The following ZNF695 variants were observed in gnomAD, a reference collection of about 807,000 sequenced individuals.
ZNF695 encodes the protein zinc finger protein 695.
Under a neutral mutation model 11.2 loss-of-function variants are expected in ZNF695, and 11 were observed. The observed-to-expected ratio is 0.98, with a 90% CI of 0.62 to 1.62. ZNF695 has a LOEUF of 1.62. Ranked by LOEUF, ZNF695 falls within the 40% of genes most tolerant of loss-of-function variation. ZNF695 has a pLI of 0.00. For missense variants in ZNF695, 559 were observed against 590.5 expected, an observed-to-expected ratio of 0.95 and a Z score of 0.55; for synonymous variants, 190 against 201.4, an observed-to-expected ratio of 0.94 and a Z score of 0.48.
rs987396428 is a variant in ZNF695, at chr1:246,974,146, AAACAAACAAACAAAC to A, written c.391-6369_391-6355del. Among the ~76,000 whole-genome samples, 57 of 110,556 alleles carry A rather than the reference AAACAAACAAACAAAC, an allele frequency of 5.2e-4. No individual in the cohort carries two copies. In the East Asian group the frequency reaches 9.5e-3, roughly 19 times the overall value. 72.5% of individuals were successfully genotyped at this position (110,556 alleles called of 152,430 possible). A position where few individuals can be genotyped will look rare whatever the true frequency, so the allele number is the denominator to read the frequency against. On this transcript the variant is annotated intron_variant, in intron 4 of 5. Transcript: ENST00000487338. ...AATTGCCTAGCTTATTTGGAATAAA[AAACAAACAAACAAAC>A]AAAAAAAAACAAACAAAAAACAACA...
chr1:246,973,364 C>T (rs554454714), intron 4 of ZNF695, among the ~76,000 whole-genome samples: 21 of 152,302 alleles, frequency 1.4e-4, no homozygotes, highest in African/African-American at 4.6e-4. Flanking sequence ...TCACATATTT[C>T]TAATGATTGC....
At chr1:246,949,994 G>A (rs1356738804) in intron 5 of ZNF695, among the ~76,000 whole-genome samples, 1 of 152,056 alleles carries the variant, frequency 6.6e-6, no homozygotes, top group Non-Finnish European at 1.5e-5. Context: ...AGAGATATTT[G>A]TGTCTTTATT....
At chr1:246,975,972 G>A (rs770865656) in intron 4 of ZNF695, among the ~76,000 whole-genome samples, 27 of 151,870 alleles carry the variant, frequency 1.8e-4, no homozygotes, top group Non-Finnish European at 3.7e-4. Context: ...AGGAGGAAAC[G>A]ACCATCTCTG....
intron 4 of ZNF695, among the ~76,000 whole-genome samples, chr1:246,976,091 G>C (rs1444665348): frequency 1.3e-5 from 2 of 152,112 alleles, no homozygotes; most frequent in Admixed American, 6.5e-5. Flanking sequence ...GGCTGGTGAG[G>C]GAGACGCTGA....
downstream of ZNF695, chr1:246,945,573 A>C: frequency 5.7e-6 from 3 of 522,378 alleles, no homozygotes; most frequent in Non-Finnish European, 1.0e-5. Flanking sequence ...TTTTCTATTC[A>C]TGGAGTTAGG....
At chr1:246,961,041 T>A (rs192542946) in intron 5 of ZNF695, among the ~76,000 whole-genome samples, 1 of 152,372 alleles carries the variant, frequency 6.6e-6, no homozygotes, top group African/African-American at 2.4e-5. Flanking sequence ...ATGTTCACTA[T>A]GAAGGTGGGC....
chr1:246,961,279 C>T (rs991874880), intron 5 of ZNF695, among the ~76,000 whole-genome samples: 1 of 152,330 alleles, frequency 6.6e-6, no homozygotes, highest in African/African-American at 2.4e-5. Flanking sequence ...CCTCCAGCTG[C>T]ACCAGCCTAT....
intron 4 of ZNF695, among the ~76,000 whole-genome samples, chr1:246,977,775 T>TA (rs1668607048): frequency 6.6e-6 from 1 of 152,224 alleles, no homozygotes; most frequent in Admixed American, 6.5e-5. Flanking sequence ...GGTGTACTCT[T>TA]ACGTACTTGG....
intron 4 of ZNF695, among the ~76,000 whole-genome samples, chr1:246,973,911 G>A (rs891142304): frequency 1.3e-5 from 2 of 152,160 alleles, no homozygotes; most frequent in Non-Finnish European, 2.9e-5. Context: ...ACCCTATTAT[G>A]TGTGAATGTC....
chr1:247,007,887 C>T lies in ZNF695; in HGVS notation c.3+19G>A. 6.5e-7 allele frequency: 1 copy of T among 1,549,236 alleles called. No individual in the cohort carries two copies. The highest frequency in any genetic ancestry group is 1.4e-5 in the African/African-American group (1 of 71,986). On this transcript the variant is annotated intron_variant, in intron 1 of 3. Coordinates refer to ENST00000339986, the MANE Select transcript of ZNF695 (RefSeq NM_020394.5). Reference sequence around the variant, plus strand: ...CCACCCCCTCTCCCTTCTCGGGACACCCTGCTCCGCACACTCACCATTTCC... The same window carrying T: ...CCACCCCCTCTCCCTTCTCGGGACATCCTGCTCCGCACACTCACCATTTCC...
At chr1:246,977,051 A>T (rs539545140) in intron 4 of ZNF695, among the ~76,000 whole-genome samples, 1 of 152,322 alleles carries the variant, frequency 6.6e-6, no homozygotes, top group East Asian at 1.9e-4. Context: ...CATATTTTCT[A>T]TCATTCCCAG....
At chr1:246,946,571 G>A (rs751897457) in intron 5 of ZNF695, among the ~76,000 whole-genome samples, 5 of 152,232 alleles carry the variant, frequency 3.3e-5, no homozygotes, top group South Asian at 2.1e-4. Flanking sequence ...GCCCTCTCCC[G>A]GTGACAGCAC....
At chr1:247,007,523 A>T (rs1051508854) in intron 1 of ZNF695, among the ~76,000 whole-genome samples, 2 of 150,464 alleles carry the variant, frequency 1.3e-5, no homozygotes, top group Admixed American at 6.6e-5. Context: ...AAAGAGGAGA[A>T]AGGAACCCAC....
At chr1:246,964,368 A>T (rs1668236161) in intron 5 of ZNF695, among the ~76,000 whole-genome samples, 2 of 152,110 alleles carry the variant, frequency 1.3e-5, no homozygotes, top group South Asian at 2.1e-4. Context: ...CCCCATGAGA[A>T]AAAAAGACGC....
intron 3 of ZNF695, among the ~76,000 whole-genome samples, chr1:246,998,808 T>C (rs1669278682): frequency 6.6e-6 from 1 of 151,826 alleles, no homozygotes; most frequent in South Asian, 2.1e-4. Context: ...TCTACTAAAG[T>C]ACAAAATAAA....
chr1:246,982,634 A>G (rs576795597), downstream of ZNF695, among the ~76,000 whole-genome samples: 13 of 152,350 alleles, frequency 8.5e-5, no homozygotes, highest in African/African-American at 2.6e-4. Flanking sequence ...TAACTGCCCG[A>G]TTTAATTCTC....
intron 3 of ZNF695, among the ~76,000 whole-genome samples, chr1:246,990,898 C>T (rs1477043622): frequency 1.3e-5 from 2 of 152,102 alleles, no homozygotes; most frequent in Non-Finnish European, 2.9e-5. Context: ...TTTAAAATTT[C>T]TTGAGACAAA....
intron 5 of ZNF695, among the ~76,000 whole-genome samples, chr1:246,948,000 A>G (rs1667781749): frequency 6.6e-6 from 1 of 152,180 alleles, no homozygotes; most frequent in African/African-American, 2.4e-5. Flanking sequence ...GTATTGGGAA[A>G]GAGCACAGTT....
At chr1:246,962,538 C>T (rs762516192) in intron 5 of ZNF695, among the ~76,000 whole-genome samples, 2 of 152,186 alleles carry the variant, frequency 1.3e-5, no homozygotes, top group African/African-American at 2.4e-5. Flanking sequence ...AGGTCCTCAT[C>T]ATTGATCATC....
Sources: gnomAD v4.1 joint callset for allele counts (sites outside exome capture counted in the v4.1 genomes callset) on GRCh38, gnomAD v4.1.1 for gene constraint, MANE v1.5 for transcripts, NCBI Gene and HGNC (gene_info 2026-07-23, HGNC 2026-07-21) for gene names.